Variants in MACROD2 observed in about 807,000 individuals in gnomAD.
MACROD2 encodes the protein mono-ADP ribosylhydrolase 2.
In MACROD2, 36 loss-of-function variants were observed where a neutral mutation model predicts 70.4. The ratio of observed to expected loss-of-function variants is 0.51; its 90% CI spans 0.39 to 0.68. The LOEUF is 0.68. Ranked by LOEUF, MACROD2 falls within the 30% of genes least tolerant of loss-of-function variation. The pLI is 0.00. For missense variants in MACROD2, 496 were observed against 538.4 expected (o/e 0.92, Z 0.78); for synonymous variants, 172 against 178.8 (o/e 0.96, Z 0.30).
At chr20:14,165,322 T>C (rs1436677650) in intron 3 of MACROD2, among the ~76,000 whole-genome samples, 1 of 152,156 alleles carries the variant, frequency 6.6e-6, no homozygotes, top group Non-Finnish European at 1.5e-5. Context: ...CGTGGACTGC[T>C]GGGGGATCTC....
At chr20:14,868,600 A>C (rs79563633) in intron 5 of MACROD2, among the ~76,000 whole-genome samples, 7 of 152,110 alleles carry the variant, frequency 4.6e-5, no homozygotes, top group Admixed American at 4.6e-4. Context: ...CCAACTTTGC[A>C]TACTGGACTA....
Position 15,221,031 on chromosome 20 carries a change from G to A in MACROD2, c.419-8909G>A, listed in dbSNP as rs186312572. On this transcript the variant is annotated intron_variant, in intron 5 of 17. Coordinates refer to ENST00000684519, the MANE Select transcript of MACROD2 (RefSeq NM_001351661.2). ...ACCTCAGCATCAGCCTGCGTGTCCC[G>A]ACATTGACCCATCTGCACATTTCAG... Among the ~76,000 whole-genome samples the A allele has an allele frequency of 2.0e-5, 3 of 152,228 alleles. No homozygotes were observed. In the East Asian group the frequency reaches 5.8e-4, roughly 29 times the overall value.
At chr20:14,994,155 A>T (rs1297242014) in intron 5 of MACROD2, among the ~76,000 whole-genome samples, 1 of 152,148 alleles carries the variant, frequency 6.6e-6, no homozygotes, top group Non-Finnish European at 1.5e-5. Flanking sequence ...TACAGGATAG[A>T]TATGTACATA....
chr20:15,482,286 T>A (rs1054458861), intron 7 of MACROD2, among the ~76,000 whole-genome samples: 2 of 152,146 alleles, frequency 1.3e-5, no homozygotes, highest in Non-Finnish European at 2.9e-5. Context: ...ATTTGACAGA[T>A]ACCACACCAA....
chr20:14,234,047 C>A (rs1013930427), intron 3 of MACROD2, among the ~76,000 whole-genome samples: 11 of 152,204 alleles, frequency 7.2e-5, no homozygotes, highest in African/African-American at 2.6e-4. Context: ...AATCTCTGGA[C>A]TTTAATAAAT....
intron 2 of MACROD2, among the ~76,000 whole-genome samples, chr20:14,064,283 A>G (rs1018164414): frequency 9.2e-5 from 14 of 151,878 alleles, no homozygotes; most frequent in Admixed American, 9.2e-4. Flanking sequence ...TTACATGTGT[A>G]CCTATGTTGA....
intron 5 of MACROD2, among the ~76,000 whole-genome samples, chr20:14,839,552 C>T (rs1177424184): frequency 6.6e-6 from 1 of 152,036 alleles, no homozygotes; most frequent in Non-Finnish European, 1.5e-5. Flanking sequence ...TTTATCATGG[C>T]ATGGTGGGGC....
intron 3 of MACROD2, among the ~76,000 whole-genome samples, chr20:14,122,364 C>T (rs928691280): frequency 6.6e-6 from 1 of 152,148 alleles, no homozygotes; most frequent in African/African-American, 2.4e-5. Flanking sequence ...GGCACATTGT[C>T]AATGCTCATA....
intron 3 of MACROD2, among the ~76,000 whole-genome samples, chr20:14,466,113 A>G (rs34287609): frequency 0.15 from 22,756 of 152,072 alleles, 2,424 homozygotes; most frequent in Non-Finnish European, 0.22. Context: ...CTCCTGGATA[A>G]TATCCTGCAG....
chr20:14,077,910 T>C (rs2053935218), intron 2 of MACROD2, among the ~76,000 whole-genome samples: 1 of 151,216 alleles, frequency 6.6e-6, no homozygotes, highest in Non-Finnish European at 1.5e-5. Context: ...TTTTTTTTTT[T>C]TTCTTTTTTG....
intron 8 of MACROD2, among the ~76,000 whole-genome samples, chr20:15,567,461 A>G (rs2048325329): frequency 1.3e-5 from 2 of 152,234 alleles, no homozygotes; most frequent in Admixed American, 1.3e-4. Context: ...CCTGGGAATA[A>G]TAGAGAATGC....
intron 7 of MACROD2, among the ~76,000 whole-genome samples, chr20:15,457,458 C>T (rs2046743613): frequency 6.6e-6 from 1 of 152,102 alleles, no homozygotes; most frequent in Admixed American, 6.6e-5. Flanking sequence ...CCAAGAGTTA[C>T]AGAGTAACTG....
At chr20:15,985,286 G>GC (rs1190984872) in intron 13 of MACROD2, among the ~76,000 whole-genome samples, 5 of 152,032 alleles carry the variant, frequency 3.3e-5, no homozygotes, top group Non-Finnish European at 1.5e-5. Flanking sequence ...GGTATGGAGG[G>GC]CACACACACA....
At chr20:14,531,402 T>G (rs933880884) in intron 4 of MACROD2, among the ~76,000 whole-genome samples, 1 of 152,164 alleles carries the variant, frequency 6.6e-6, no homozygotes, top group African/African-American at 2.4e-5. Context: ...TCACAGAGAT[T>G]GGAGTCATGT....
At chr20:14,749,432 A>C (rs1432952265) in intron 5 of MACROD2, among the ~76,000 whole-genome samples, 1 of 152,018 alleles carries the variant, frequency 6.6e-6, no homozygotes, top group Non-Finnish European at 1.5e-5. Flanking sequence ...AAAAAAGAAA[A>C]GGAAGGAAGG....
intron 5 of MACROD2, among the ~76,000 whole-genome samples, chr20:15,095,371 G>A (rs184624044): frequency 5.3e-4 from 80 of 150,026 alleles, no homozygotes; most frequent in Admixed American, 3.3e-3. Flanking sequence ...CACCACGCCC[G>A]GCCTGCTGTG....
At chr20:15,118,132 G>A (rs571660203) in intron 5 of MACROD2, among the ~76,000 whole-genome samples, 1 of 151,612 alleles carries the variant, frequency 6.6e-6, no homozygotes, top group Non-Finnish European at 1.5e-5. Context: ...CAAAAAAGCT[G>A]TTAATTTAAA....
intron 8 of MACROD2, among the ~76,000 whole-genome samples, chr20:15,760,994 A>G (rs1287034458): frequency 6.6e-6 from 1 of 152,230 alleles, no homozygotes; most frequent in African/African-American, 2.4e-5. Context: ...AAGAGTCCAT[A>G]ACATGAATGA....
chr20:15,968,722 T>G (rs1407728626), intron 13 of MACROD2, among the ~76,000 whole-genome samples: 2 of 148,770 alleles, frequency 1.3e-5, no homozygotes, highest in Admixed American at 1.4e-4. Context: ...TTTAGATCAT[T>G]TCTACTACCG....
Sources: gnomAD v4.1 joint callset for allele counts (sites outside exome capture counted in the v4.1 genomes callset) on GRCh38, gnomAD v4.1.1 for gene constraint, MANE v1.5 for transcripts, NCBI Gene and HGNC (gene_info 2026-07-23, HGNC 2026-07-21) for gene names.